Variants in ICMT observed in about 807,000 individuals in gnomAD.
ICMT encodes isoprenylcysteine carboxyl methyltransferase.
Under a neutral mutation model 32.2 loss-of-function variants are expected in ICMT, and 10 were observed. The ratio of observed to expected loss-of-function variants is 0.31; its 90% CI spans 0.19 to 0.53. The LOEUF is 0.53. ICMT is among the 20% of genes least tolerant of loss of function. ICMT has a pLI of 0.96. For missense variants in ICMT, 265 were observed against 356.9 expected (o/e 0.74, Z 2.07); for synonymous variants, 183 against 158.2 (o/e 1.16, Z -1.18).
At chr1:6,225,295 G>T in intron 4 of ICMT, 33 bp from the exon 5 acceptor site, 1 of 1,598,884 alleles carries the variant, frequency 6.3e-7, no homozygotes, top group South Asian at 1.1e-5. Flanking sequence ...TCATCAGGGT[G>T]ACCGTGGGAT....
Position 6,224,997 on chromosome 1 carries a change from C to T in ICMT, c.*83G>A, listed in dbSNP as rs1381489140. On this transcript the variant is annotated 3_prime_UTR_variant, in exon 5 of 5. Transcript: ENST00000343813. ...ATGACATAAAACGATTAAGAAAATCCATGTGGCAGCGGCCAACCGGAAACA... is the reference window on the plus strand; with the variant it reads ...ATGACATAAAACGATTAAGAAAATCTATGTGGCAGCGGCCAACCGGAAACA... 11 of 1,176,482 alleles carry T rather than the reference C, an allele frequency of 9.3e-6. No homozygotes were observed. Among genetic ancestry groups the T allele is most frequent in the Non-Finnish European group, 1.3e-5 (11 of 823,044 alleles). The allele number at this position is 1,176,482 out of a possible 1,614,324, so 72.9% of individuals were successfully genotyped here. A position where few individuals can be genotyped will look rare whatever the true frequency, so the allele number is the denominator to read the frequency against.
Position 6,234,899 on chromosome 1 carries a change from T to C in ICMT, c.271A>G (p.Ser91Gly), listed in dbSNP as rs1377745863. 2 of 1,613,350 alleles carry C rather than the reference T, an allele frequency of 1.2e-6. No homozygotes were observed. The highest frequency in any genetic ancestry group is 1.7e-5 in the Admixed American group (1 of 59,992). Reference protein sequence around the residue: ...TLLSFSQSSWSHFGWYMCSLS... With the variant: ...TLLSFSQSSWGHFGWYMCSLS... ...AGGAATTCTTACCAGCCAAAGTGACTCCAAGAAGACTGGCTAAAACTTAGC... is the reference window on the plus strand; with the variant it reads ...AGGAATTCTTACCAGCCAAAGTGACCCCAAGAAGACTGGCTAAAACTTAGC... Residue 91 changes from serine to glycine, a missense_variant, in exon 2 of 5, where the codon AGT becomes GGT. By Grantham distance (56) the Ser-to-Gly change is moderately conservative. Transcript: ENST00000343813.
intron 4 of ICMT, among the ~76,000 whole-genome samples, chr1:6,229,298 G>C (rs1275010222): frequency 6.6e-6 from 1 of 152,110 alleles, no homozygotes; most frequent in Admixed American, 6.5e-5. Flanking sequence ...GACCAACATG[G>C]AGAAACCCCG....
At position 6,224,802 on chromosome 1, in the gene ICMT, C is replaced by G; in HGVS notation, c.*278G>C. On this transcript the variant is annotated 3_prime_UTR_variant, in exon 5 of 5. Coordinates refer to ENST00000343813, the MANE Select transcript of ICMT (RefSeq NM_012405.4). Reference sequence around the variant, plus strand: ...GCAGTGGCGTGTGGCCTCGGTCCTCCCCAGGTAACTCTGGAGGGCGCTGTG... The same window carrying G: ...GCAGTGGCGTGTGGCCTCGGTCCTCGCCAGGTAACTCTGGAGGGCGCTGTG... 2.1e-5 allele frequency: 8 copies of G among 379,620 alleles called. No individual in the cohort carries two copies. Among genetic ancestry groups the G allele is most frequent in the South Asian group, 1.4e-4 (3 of 21,688 alleles). The allele number at this position is 379,620 out of a possible 1,614,324, so 23.5% of individuals were successfully genotyped here.
Position 6,235,951 on chromosome 1 carries a change from T to TAGCCCGGAGAAACGCGCCGGCGGC in ICMT, c.-41_-40insGCCGCCGGCGCGTTTCTCCGGGCT, listed in dbSNP as rs1553151060. 5 of 1,026,546 alleles carry TAGCCCGGAGAAACGCGCCGGCGGC rather than the reference T, an allele frequency of 4.9e-6. No individual in the cohort carries two copies. Among genetic ancestry groups the TAGCCCGGAGAAACGCGCCGGCGGC allele is most frequent in the Non-Finnish European group, 5.9e-6 (5 of 842,388 alleles). 63.6% of individuals were successfully genotyped at this position (1,026,546 alleles called of 1,614,324 possible). A position where few individuals can be genotyped will look rare whatever the true frequency, so the allele number is the denominator to read the frequency against. On this transcript the variant is annotated 5_prime_UTR_variant, in exon 1 of 5. Transcript: ENST00000343813. ...GACTAGCGGGCGGCGGCGCCGGCTG[T>TAGCCCGGAGAAACGCGCCGGCGGC]AGCCCGGAGAAACGCGCCGGCTGCG...
intron 1 of ICMT, 38 bp downstream of exon 1, chr1:6,235,679 C>A: frequency 8.7e-7 from 1 of 1,144,114 alleles, no homozygotes; most frequent in Non-Finnish European, 1.1e-6. Context: ...GACCGCCGCC[C>A]GCCCCGCCGG....
chr1:6,224,917 G>T lies in ICMT; in HGVS notation c.*163C>A. On this transcript the variant is annotated 3_prime_UTR_variant, in exon 5 of 5. Coordinates refer to ENST00000343813, the MANE Select transcript of ICMT (RefSeq NM_012405.4). ...GACAGACTGCTCCAGTGGGGCCTTG[G>T]GTCCTCAGGCCTTCTGACCGCTTGG... 1.5e-6 allele frequency: 1 copy of T among 689,030 alleles called. No individual in the cohort carries two copies. Among genetic ancestry groups the T allele is most frequent in the Non-Finnish European group, 2.5e-6 (1 of 399,658 alleles). 42.7% of individuals were successfully genotyped at this position (689,030 alleles called of 1,614,324 possible).
At position 6,235,765 on chromosome 1, in the gene ICMT, G is replaced by A. The variant is rs1334785582; in HGVS notation, c.147C>T (p.Ala49=). 8 of 1,342,640 alleles carry A rather than the reference G, an allele frequency of 6.0e-6. No homozygotes were observed. In the East Asian group the frequency reaches 1.9e-4, roughly 32 times the overall value. The allele number at this position is 1,342,640 out of a possible 1,614,324, so 83.2% of individuals were successfully genotyped here. A position where few individuals can be genotyped will look rare whatever the true frequency, so the allele number is the denominator to read the frequency against. The change falls in exon 1 of 5, where the codon GCC becomes GCT. Residue 49 remains alanine, a synonymous_variant. Transcript: ENST00000343813. ...GCAGCAGCAGCAGCGCGTTGAGCCCGGCCACGTAGAGCGCCAGCCCGGTGC... is the reference window on the plus strand; with the variant it reads ...GCAGCAGCAGCAGCGCGTTGAGCCCAGCCACGTAGAGCGCCAGCCCGGTGC... ...QGRTGLALYV[A]GLNALLLLLY...
rs773796051 is a variant in ICMT at position 6,225,112 on chromosome 1, G to A, written c.823C>T (p.Pro275Ser). 2 of 1,613,828 alleles carry A rather than the reference G, an allele frequency of 1.2e-6. No homozygotes were observed. Among genetic ancestry groups the A allele is most frequent in the Non-Finnish European group, 1.7e-6 (2 of 1,179,878 alleles). ...TCCACCTTGACCCCCTTTATGAAAG[G>A]CAGGCCCGTGGGCACCCTCTTCTTA... ...EYKKRVPTGL[P>S]FIKGVKVDL is the part of the protein sequence containing the mutation. Residue 275 changes from proline (P) to serine (S), a missense_variant, in exon 5 of 5, where the codon CCT becomes TCT. Physicochemically the swap from Pro to Ser is moderately conservative, Grantham distance 74. Coordinates refer to ENST00000343813, the MANE Select transcript of ICMT (RefSeq NM_012405.4).
intron 4 of ICMT, among the ~76,000 whole-genome samples, chr1:6,229,863 CTTCT>C (rs745482132): frequency 2.6e-5 from 4 of 151,620 alleles, no homozygotes; most frequent in Non-Finnish European, 4.4e-5. Flanking sequence ...AATCCTTACA[CTTCT>C]TTTTCTTTTT....
chr1:6,235,707 C>T lies in ICMT; in HGVS notation c.195+10G>A. On this transcript the variant is annotated intron_variant, in intron 1 of 4. Coordinates refer to ENST00000343813, the MANE Select transcript of ICMT (RefSeq NM_012405.4). ...CCCGCCGGCCCCCGCCGGCCCCCGC[C>T]GGCCTGCACCTGGTAGCGAGGCGGC... The T allele has an allele frequency of 8.3e-7, 1 of 1,200,780 alleles. No individual in the cohort carries two copies. The highest frequency in any genetic ancestry group is 1.0e-6 in the Non-Finnish European group (1 of 968,894). The allele number at this position is 1,200,780 out of a possible 1,614,324, so 74.4% of individuals were successfully genotyped here.
rs988540330 is a variant in ICMT at position 6,223,749 on chromosome 1, C to T, written c.*1331G>A. On this transcript the variant is annotated 3_prime_UTR_variant, in exon 5 of 5. Transcript: ENST00000343813. Reference sequence around the variant, plus strand: ...GTCTAGGCACGGAAAGGTTTAGTGGCTCCTCACAGGCCGCGTGGTGGGGCA... The same window carrying T: ...GTCTAGGCACGGAAAGGTTTAGTGGTTCCTCACAGGCCGCGTGGTGGGGCA... 6.6e-6 allele frequency: 1 copy of T among 152,242 alleles called. No homozygotes were observed. Among genetic ancestry groups the T allele is most frequent in the East Asian group, 1.9e-4 (1 of 5,200 alleles). The allele number at this position is 152,242 out of a possible 1,614,324, so 9.4% of individuals were successfully genotyped here.
rs1395320239 is a variant in ICMT, at chr1:6,221,262, A to T, written c.*3818T>A. ...AATCAGTATCTGTGAAAGAAAATCC[A>T]ATTTAGAATATTTAAATAAACATTT... On this transcript the variant is annotated 3_prime_UTR_variant, in exon 5 of 5. Transcript: ENST00000343813. The T allele has an allele frequency of 6.6e-6, 1 of 152,660 alleles. No homozygotes were observed. Among genetic ancestry groups the T allele is most frequent in the Non-Finnish European group, 1.5e-5 (1 of 68,044 alleles). The allele number at this position is 152,660 out of a possible 1,614,324, so 9.5% of individuals were successfully genotyped here. A position where few individuals can be genotyped will look rare whatever the true frequency, so the allele number is the denominator to read the frequency against.
At position 6,226,750 on chromosome 1, in the gene ICMT, T is replaced by C. The variant is rs896939977; in HGVS notation, c.673-1488A>G. ...CCACTTTGTTTTTTTTAAAATTTTA[T>C]TATTTTTTAAAGACAGGGTCTCACT... is the stretch of plus-strand genomic sequence containing the variant. On this transcript the variant is annotated intron_variant, in intron 4 of 4. Transcript: ENST00000343813. Among the ~76,000 whole-genome samples the C allele has an allele frequency of 3.3e-5, 5 of 152,190 alleles. No homozygotes were observed. In the East Asian group the frequency reaches 9.6e-4, roughly 29 times the overall value.
intron 4 of ICMT, among the ~76,000 whole-genome samples, chr1:6,226,265 G>A (rs573731997): frequency 1.3e-5 from 2 of 152,218 alleles, no homozygotes; most frequent in African/African-American, 4.8e-5. Context: ...GCGTAGTGGT[G>A]GGAGCCTGTA....
Position 6,235,780 on chromosome 1 carries a change from C to T in ICMT, c.132G>A (p.Leu44=). 1 of 1,340,234 alleles carries T rather than the reference C, an allele frequency of 7.5e-7. No homozygotes were observed. The highest frequency in any genetic ancestry group is 9.6e-7 in the Non-Finnish European group (1 of 1,036,846). The allele number at this position is 1,340,234 out of a possible 1,614,324, so 83.0% of individuals were successfully genotyped here. A position where few individuals can be genotyped will look rare whatever the true frequency, so the allele number is the denominator to read the frequency against. Residue 44 remains leucine, a synonymous_variant, in exon 1 of 5, where the codon CTG becomes CTA. Coordinates refer to ENST00000343813, the MANE Select transcript of ICMT (RefSeq NM_012405.4). The part of the protein sequence containing the change: ...TRAGLQGRTG[L]ALYVAGLNAL... ...CGTTGAGCCCGGCCACGTAGAGCGC[C>T]AGCCCGGTGCGGCCCTGCAGGCCGG... is the stretch of plus-strand genomic sequence containing the variant.
intron 1 of ICMT, 124 bp downstream of exon 1, chr1:6,235,593 C>G: frequency 1.7e-6 from 1 of 593,768 alleles, no homozygotes; most frequent in Non-Finnish European, 2.2e-6. Flanking sequence ...GCGACCTGAA[C>G]TCGCGGATGA....
Position 6,234,879 on chromosome 1 carries a change from T to G in ICMT, c.284+7A>C, listed in dbSNP as rs1668795686. 6.2e-7 allele frequency: 1 copy of G among 1,608,426 alleles called. No homozygotes were observed. The highest frequency in any genetic ancestry group is 1.3e-5 in the African/African-American group (1 of 74,780). On this transcript the variant is annotated splice_region_variant and intron_variant, in intron 2 of 4. Coordinates refer to ENST00000343813, the MANE Select transcript of ICMT (RefSeq NM_012405.4). ...CTGAAAACCAGTATTTCCGAAGGAATTCTTACCAGCCAAAGTGACTCCAAG... is the reference window on the plus strand; with the variant it reads ...CTGAAAACCAGTATTTCCGAAGGAAGTCTTACCAGCCAAAGTGACTCCAAG...
At chr1:6,227,069 G>C (rs1274349534) in intron 4 of ICMT, among the ~76,000 whole-genome samples, 1 of 152,210 alleles carries the variant, frequency 6.6e-6, no homozygotes, top group African/African-American at 2.4e-5. Flanking sequence ...ATTATGAACA[G>C]TATTGAAATA....
Sources: gnomAD v4.1 joint callset for allele counts (sites outside exome capture counted in the v4.1 genomes callset) on GRCh38, gnomAD v4.1.1 for gene constraint, MANE v1.5 for transcripts, NCBI Gene and HGNC (gene_info 2026-07-23, HGNC 2026-07-21) for gene names.